The following THSD4 variants were observed in gnomAD, a reference collection of about 807,000 sequenced individuals.
THSD4 encodes the protein thrombospondin type-1 domain-containing protein 4.
In THSD4, 69 loss-of-function variants were observed where a neutral mutation model predicts 119.0. The observed-to-expected ratio is 0.58, with a 90% confidence interval of 0.48 to 0.71. The LOEUF (loss-of-function observed/expected upper bound fraction) is 0.71, where lower values mean the gene tolerates loss of function less well. THSD4 is among the 30% of genes least tolerant of loss of function. The probability of loss-of-function intolerance (pLI) is 0.00; values close to 1 mark genes in which losing one functional copy is unlikely to be tolerated. For missense variants in THSD4, 1,393 were observed against 1,391.1 expected, an observed-to-expected ratio of 1.00 and a Z score of -0.02; for synonymous variants, 524 against 540.4, an observed-to-expected ratio of 0.97 and a Z score of 0.42.
chr15:71,404,768 A>G (rs2046581863), intron 6 of THSD4, among the ~76,000 whole-genome samples: 1 of 152,208 alleles, frequency 6.6e-6, no homozygotes, highest in African/African-American at 2.4e-5. Flanking sequence ...CCTTCACCAG[A>G]CACTGAATCT....
At chr15:71,191,405 G>A (rs1027915948) in intron 3 of THSD4, among the ~76,000 whole-genome samples, 6 of 152,136 alleles carry the variant, frequency 3.9e-5, no homozygotes, top group African/African-American at 7.2e-5. Context: ...TCTGTTATCC[G>A]GTTCATGTCT....
At chr15:71,716,991 T>G (rs1166278747) in intron 8 of THSD4, among the ~76,000 whole-genome samples, 1 of 152,222 alleles carries the variant, frequency 6.6e-6, no homozygotes, top group African/African-American at 2.4e-5. Flanking sequence ...TATCTTATTT[T>G]TTAGACAACT....
intron 3 of THSD4, among the ~76,000 whole-genome samples, chr15:71,159,215 T>C (rs755275843): frequency 1.3e-5 from 2 of 152,206 alleles, no homozygotes; most frequent in African/African-American, 2.4e-5. Flanking sequence ...TTGGTTACTA[T>C]AGATGTGTAG....
intron 7 of THSD4, among the ~76,000 whole-genome samples, chr15:71,514,035 G>C (rs2048320020): frequency 6.6e-6 from 1 of 152,174 alleles, no homozygotes; most frequent in Non-Finnish European, 1.5e-5. Context: ...TTGTTTACTT[G>C]CTTTATTTAG....
intron 8 of THSD4, among the ~76,000 whole-genome samples, chr15:71,698,168 A>G (rs1214374214): frequency 6.6e-6 from 1 of 152,188 alleles, no homozygotes; most frequent in African/African-American, 2.4e-5. Context: ...TAGATGTTGG[A>G]GCCACACAGA....
At chr15:71,520,154 G>A (rs1377597602) in intron 7 of THSD4, among the ~76,000 whole-genome samples, 1 of 152,184 alleles carries the variant, frequency 6.6e-6, no homozygotes, top group African/African-American at 2.4e-5. Context: ...TAGCAAGTAA[G>A]CAATATGGCT....
rs1242471418 is a variant in THSD4, at chr15:71,765,054, G to C, written c.2624G>C (p.Arg875Thr). The C allele has an allele frequency of 6.2e-7, 1 of 1,614,218 alleles. No individual in the cohort carries two copies. The highest frequency in any genetic ancestry group is 1.7e-5 in the Admixed American group (1 of 60,034). ...GAGTGTGGGAGCGGGACGCAACAGA[G>C]GGAGGTGATTTGTGTTAGAAAGAAT... ...SIECGSGTQQ[R>T]EVICVRKNAD... is the part of the protein sequence containing the mutation. The change falls in exon 16 of 18, where the codon AGG (arginine) becomes ACG (threonine). Residue 875 changes from arginine (R) to threonine (T), a missense_variant. Physicochemically the swap from Arg to Thr is moderately conservative, Grantham distance 71. Transcript: ENST00000261862.
At chr15:71,604,631 A>C (rs1200542467) in intron 7 of THSD4, among the ~76,000 whole-genome samples, 1 of 152,228 alleles carries the variant, frequency 6.6e-6, no homozygotes, top group Non-Finnish European at 1.5e-5. Flanking sequence ...TATCTATATC[A>C]AATCAGCAAA....
At chr15:71,370,457 G>A (rs1226793194) in intron 6 of THSD4, among the ~76,000 whole-genome samples, 1 of 152,120 alleles carries the variant, frequency 6.6e-6, no homozygotes, top group Non-Finnish European at 1.5e-5. Context: ...CTTTAAATGT[G>A]TCCCAGAGAT....
chr15:71,213,460 G>T (rs2043904016), intron 3 of THSD4, among the ~76,000 whole-genome samples: 1 of 152,172 alleles, frequency 6.6e-6, no homozygotes, highest in Admixed American at 6.5e-5. Flanking sequence ...ACCCTGCCCA[G>T]CCAGGACAGC....
At chr15:71,234,816 T>A (rs1056805558) in intron 4 of THSD4, among the ~76,000 whole-genome samples, 1 of 152,202 alleles carries the variant, frequency 6.6e-6, no homozygotes, top group Non-Finnish European at 1.5e-5. Flanking sequence ...AGTCTCACTC[T>A]AGAAGAACTG....
At chr15:71,741,306 C>T (rs1044447592) in intron 11 of THSD4, among the ~76,000 whole-genome samples, 4 of 151,966 alleles carry the variant, frequency 2.6e-5, no homozygotes, top group South Asian at 4.2e-4. Flanking sequence ...GCCTGGCCAA[C>T]GTGGCAAAAA....
intron 12 of THSD4, among the ~76,000 whole-genome samples, chr15:71,746,043 T>C: frequency 6.6e-6 from 1 of 152,248 alleles, no homozygotes; most frequent in East Asian, 1.9e-4. Flanking sequence ...AATAAAAATA[T>C]AATTCTCATC....
intron 6 of THSD4, among the ~76,000 whole-genome samples, chr15:71,362,970 T>TAAAAA (rs11287381): frequency 7.4e-6 from 1 of 135,024 alleles, no homozygotes; most frequent in Non-Finnish European, 1.6e-5. Flanking sequence ...GCTGATGAGC[T>TAAAAA]AAAAAAAAAA....
intron 17 of THSD4, among the ~76,000 whole-genome samples, chr15:71,774,529 A>G (rs1379749216): frequency 5.9e-5 from 9 of 152,210 alleles, no homozygotes; most frequent in African/African-American, 7.2e-5. Flanking sequence ...AATTTTATCA[A>G]TATCTATCAA....
intron 7 of THSD4, among the ~76,000 whole-genome samples, chr15:71,588,441 GAGAC>G (rs1567050189): frequency 6.8e-6 from 1 of 147,598 alleles, no homozygotes; most frequent in African/African-American, 2.5e-5. Context: ...TTATTTTTCT[GAGAC>G]AGGGTCTCAC....
rs551606460 is a variant in THSD4 at position 71,407,648 on chromosome 15, G to A, written c.1016-4039G>A. On this transcript the variant is annotated intron_variant, in intron 6 of 17. Transcript: ENST00000261862. ...TTTAAATATCAGGGCTCCAAATACC[G>A]GGTAATATCCTAAATTTAGAGTACC... 1.2e-3 allele frequency among the ~76,000 whole-genome samples: 186 copies of A among 151,102 alleles called. 5 individuals carry two copies. In the South Asian group the frequency reaches 0.028, roughly 23 times the overall value.
intron 7 of THSD4, among the ~76,000 whole-genome samples, chr15:71,540,750 C>T (rs1369446988): frequency 3.8e-5 from 4 of 106,036 alleles, no homozygotes; most frequent in South Asian, 3.4e-4. Context: ...TTTTTTTAAA[C>T]GAGTCTCTGT....
At chr15:71,507,626 C>T (rs2048210603) in intron 7 of THSD4, among the ~76,000 whole-genome samples, 1 of 152,154 alleles carries the variant, frequency 6.6e-6, no homozygotes, top group South Asian at 2.1e-4. Context: ...AGTTACCTCC[C>T]CACATTGCCA....
Sources: allele counts gnomAD v4.1 joint callset (sites outside exome capture counted in the v4.1 genomes callset), GRCh38; gene constraint gnomAD v4.1.1; transcripts MANE v1.5; gene names NCBI Gene and HGNC (gene_info 2026-07-23, HGNC 2026-07-21).